Variants in PTPRM observed in about 807,000 individuals in gnomAD.
PTPRM encodes protein tyrosine phosphatase receptor type M.
A neutral mutation model predicts 186.7 loss-of-function variants in PTPRM; 47 were observed. The ratio of observed to expected loss-of-function variants is 0.25; its 90% CI spans 0.20 to 0.32. The LOEUF (loss-of-function observed/expected upper bound fraction) is 0.32. Among genes scored for constraint, PTPRM ranks in the 10% least tolerant of loss-of-function variants. The pLI is 1.00. For synonymous variants in PTPRM, 668 were observed against 674.9 expected (o/e 0.99, Z 0.16); for missense variants, 1,494 against 1,865.0 (o/e 0.80, Z 3.66).
At chr18:7,913,096 A>G (rs1291759925) in intron 4 of PTPRM, among the ~76,000 whole-genome samples, 1 of 77,028 alleles carries the variant, frequency 1.3e-5, no homozygotes, top group Non-Finnish European at 2.4e-5. Flanking sequence ...TTTATTTTGA[A>G]GTTGTTTTAA....
intron 19 of PTPRM, among the ~76,000 whole-genome samples, chr18:8,254,577 T>C (rs141076580): frequency 1.3e-5 from 2 of 152,196 alleles, no homozygotes; most frequent in Admixed American, 6.5e-5. Context: ...TAGCTCAGAG[T>C]TGGGAAACAT....
intron 2 of PTPRM, among the ~76,000 whole-genome samples, chr18:7,802,199 A>C (rs2044006608): frequency 6.6e-6 from 1 of 151,948 alleles, no homozygotes; most frequent in Non-Finnish European, 1.5e-5. Flanking sequence ...TGGGCAGTCC[A>C]CTCAGCCTGT....
intron 20 of PTPRM, among the ~76,000 whole-genome samples, chr18:8,303,650 G>A (rs547678689): frequency 5.9e-4 from 90 of 152,328 alleles, no homozygotes; most frequent in Admixed American, 1.8e-3. Context: ...AGAATAAAGA[G>A]AGAGCTCTGA....
chr18:7,618,392 AGTATTTGT>A (rs2037857414), intron 1 of PTPRM, among the ~76,000 whole-genome samples: 1 of 152,212 alleles, frequency 6.6e-6, no homozygotes, highest in Non-Finnish European at 1.5e-5. Context: ...ATTTTAAAAG[AGTATTTGT>A]TTCTCTCACT....
chr18:7,822,785 T>C (rs1253581787), intron 2 of PTPRM, among the ~76,000 whole-genome samples: 1 of 152,186 alleles, frequency 6.6e-6, no homozygotes, highest in Non-Finnish European at 1.5e-5. Flanking sequence ...CTGAAATGCT[T>C]AGCCTCTCAT....
intron 19 of PTPRM, among the ~76,000 whole-genome samples, chr18:8,257,191 G>A (rs1350753265): frequency 6.6e-6 from 1 of 152,210 alleles, no homozygotes; most frequent in Non-Finnish European, 1.5e-5. Flanking sequence ...AGTGGGAGCT[G>A]ACCAAGAGAA....
intron 23 of PTPRM, among the ~76,000 whole-genome samples, chr18:8,352,065 G>A (rs1226777141): frequency 6.6e-6 from 1 of 152,220 alleles, no homozygotes; most frequent in African/African-American, 2.4e-5. Context: ...AACATTTAGT[G>A]CTGTACTTAC....
At chr18:7,804,012 T>C (rs1340497584) in intron 2 of PTPRM, among the ~76,000 whole-genome samples, 1 of 152,192 alleles carries the variant, frequency 6.6e-6, no homozygotes, top group Non-Finnish European at 1.5e-5. Flanking sequence ...GACTCTTTCA[T>C]CTGGTGAATA....
intron 23 of PTPRM, 144 bp downstream of exon 23, chr18:8,343,664 T>G: frequency 3.2e-6 from 2 of 627,974 alleles, no homozygotes; most frequent in South Asian, 4.9e-5. Context: ...CTTGCTGCAC[T>G]TGCTTATAAA....
chr18:8,233,032 C>T (rs1322559180), intron 14 of PTPRM, among the ~76,000 whole-genome samples: 1 of 152,178 alleles, frequency 6.6e-6, no homozygotes, highest in Non-Finnish European at 1.5e-5. Flanking sequence ...AGGAGTCCCG[C>T]ACCAGGAAGT....
At chr18:8,120,684 T>TGG (rs982114024) in intron 13 of PTPRM, among the ~76,000 whole-genome samples, 9 of 152,018 alleles carry the variant, frequency 5.9e-5, no homozygotes, top group African/African-American at 1.9e-4. Flanking sequence ...TTTTTAGAGA[T>TGG]GGGGTTTCAC....
At chr18:8,135,182 TG>T (rs2145990558) in intron 13 of PTPRM, among the ~76,000 whole-genome samples, 1 of 152,310 alleles carries the variant, frequency 6.6e-6, no homozygotes, top group African/African-American at 2.4e-5. Context: ...CTCTACATAC[TG>T]GGGCTAGTCA....
chr18:8,243,515 G>A (rs4130758), intron 14 of PTPRM, among the ~76,000 whole-genome samples: 24 of 152,072 alleles, frequency 1.6e-4, no homozygotes, highest in African/African-American at 5.1e-4. Flanking sequence ...TCTGTGTCAG[G>A]TTCTGCTCCC....
chr18:7,984,420 TA>T (rs1259411399), intron 7 of PTPRM, among the ~76,000 whole-genome samples: 1 of 151,882 alleles, frequency 6.6e-6, no homozygotes, highest in Non-Finnish European at 1.5e-5. Flanking sequence ...TGCTATGATG[TA>T]GCTACTTCAT....
intron 20 of PTPRM, among the ~76,000 whole-genome samples, chr18:8,313,991 A>C (rs2148025053): frequency 6.6e-6 from 1 of 152,332 alleles, no homozygotes; most frequent in East Asian, 1.9e-4. Flanking sequence ...TTTCTGAAAA[A>C]AATTAAGGTA....
chr18:7,952,523 C>G (rs1266842176), intron 6 of PTPRM, among the ~76,000 whole-genome samples: 1 of 149,850 alleles, frequency 6.7e-6, no homozygotes, highest in Non-Finnish European at 1.5e-5. Flanking sequence ...ACGGTGAAAC[C>G]CTGTCTCTAC....
chr18:7,622,217 C>T (rs991137988), intron 1 of PTPRM, among the ~76,000 whole-genome samples: 1 of 152,064 alleles, frequency 6.6e-6, no homozygotes, highest in African/African-American at 2.4e-5. Context: ...ACATGGCCTG[C>T]AATTTCTGAA....
At chr18:8,115,182 C>A (rs962675335) in intron 13 of PTPRM, among the ~76,000 whole-genome samples, 1 of 152,034 alleles carries the variant, frequency 6.6e-6, no homozygotes, top group Admixed American at 6.6e-5. Flanking sequence ...TCTAGTGAAT[C>A]TTCATATGCA....
chr18:7,846,578 G>A (rs1471545265), intron 2 of PTPRM, among the ~76,000 whole-genome samples: 1 of 152,210 alleles, frequency 6.6e-6, no homozygotes, highest in African/African-American at 2.4e-5. Context: ...GCACAGCATG[G>A]TTGTTATCCT....
Sources: gnomAD v4.1 joint callset for allele counts (sites outside exome capture counted in the v4.1 genomes callset) on GRCh38, gnomAD v4.1.1 for gene constraint, MANE v1.5 for transcripts, NCBI Gene and HGNC (gene_info 2026-07-23, HGNC 2026-07-21) for gene names.